Variants in MOSMO observed in about 807,000 individuals in gnomAD.
MOSMO encodes the protein modulator of smoothened protein.
MOSMO carries 5 observed loss-of-function variants against 18.4 expected under a neutral mutation model. That is an observed-to-expected ratio of 0.27 (90% CI 0.14 to 0.57). The LOEUF (loss-of-function observed/expected upper bound fraction) is 0.57, where lower values mean the gene tolerates loss of function less well. MOSMO is among the 20% of genes least tolerant of loss of function. The pLI is 0.92. For missense variants in MOSMO, 138 were observed against 211.8 expected, an observed-to-expected ratio of 0.65 and a Z score of 2.16; for synonymous variants, 82 against 82.3, an observed-to-expected ratio of 1.00 and a Z score of 0.02.
In MOSMO at chr16:22,008,372, C is replaced by T; in HGVS notation, c.71C>T (p.Ala24Val). Reference sequence around the variant, plus strand: ...GATATCTTCGCCATCGCCAGCATCGCCAACCCGGACTGGATCAACACCGGG... The same window carrying T: ...GATATCTTCGCCATCGCCAGCATCGTCAACCCGGACTGGATCAACACCGGG... ...AADIFAIASI[A>V]NPDWINTGES... Residue 24 changes from alanine (A) to valine (V), a missense_variant, in exon 1 of 3, where the codon GCC becomes GTC. By Grantham distance (64) the Ala-to-Val change is moderately conservative. Transcript: ENST00000542527. The T allele has an allele frequency of 1.3e-6, 2 of 1,533,950 alleles. No individual in the cohort carries two copies. Among genetic ancestry groups the T allele is most frequent in the Non-Finnish European group, 8.7e-7 (1 of 1,145,968 alleles).
intron 1 of MOSMO, among the ~76,000 whole-genome samples, chr16:22,011,086 T>C (rs1463634317): frequency 6.6e-6 from 1 of 152,114 alleles, no homozygotes; most frequent in Non-Finnish European, 1.5e-5. Context: ...ATAGAAACTG[T>C]TCGAAATAAT....
chr16:22,079,826 C>G (rs1901041911), intron 2 of MOSMO, among the ~76,000 whole-genome samples: 1 of 152,066 alleles, frequency 6.6e-6, no homozygotes, highest in Non-Finnish European at 1.5e-5. Context: ...GTCTGTTGCC[C>G]AGGCTGGAGT....
intron 2 of MOSMO, among the ~76,000 whole-genome samples, chr16:22,077,791 G>A (rs936906920): frequency 1.4e-4 from 21 of 152,024 alleles, no homozygotes; most frequent in African/African-American, 4.3e-4. Flanking sequence ...CCTCCCTGGT[G>A]CATGAGGACC....
At position 22,044,851 on chromosome 16, in the gene MOSMO, T is replaced by C. The variant is rs1900276582; in HGVS notation, c.107-30636T>C. ...AGAGTAACTCTTCAGTTTAGCAAATTATTCTGCATTATATGATGAGCTTAC... is the reference window on the plus strand; with the variant it reads ...AGAGTAACTCTTCAGTTTAGCAAATCATTCTGCATTATATGATGAGCTTAC... On this transcript the variant is annotated intron_variant, in intron 1 of 2. Coordinates refer to ENST00000542527, the MANE Select transcript of MOSMO (RefSeq NM_001164579.2). Among the ~76,000 whole-genome samples, 4 of 152,120 alleles carry C rather than the reference T, an allele frequency of 2.6e-5. No homozygotes were observed. The South Asian group carries it at 8.3e-4, about 32-fold the overall frequency.
chr16:22,056,432 C>T (rs1335880271), intron 1 of MOSMO, among the ~76,000 whole-genome samples: 2 of 134,264 alleles, frequency 1.5e-5, no homozygotes, highest in Non-Finnish European at 3.0e-5. Flanking sequence ...AGTGCAATGG[C>T]GCGATCTCAG....
intron 1 of MOSMO, among the ~76,000 whole-genome samples, chr16:22,038,120 A>G (rs193119332): frequency 2.6e-5 from 4 of 152,356 alleles, no homozygotes; most frequent in African/African-American, 9.6e-5. Flanking sequence ...ATCACTCTGG[A>G]AATCCCAGGG....
rs1469142654 is a variant in MOSMO, at chr16:22,084,039, TTTGATATCCCCAC to T, written c.*3165_*3177del. On this transcript the variant is annotated 3_prime_UTR_variant, in exon 3 of 3. Transcript: ENST00000542527. Reference sequence around the variant, plus strand: ...TGGTTTTTACCCTTTTGCCTAAAGCTTTGATATCCCCACTTGATGTTCTGTGAATTCACTGTTT... The same window carrying T: ...TGGTTTTTACCCTTTTGCCTAAAGCTTTGATGTTCTGTGAATTCACTGTTT... 4.6e-6 allele frequency: 1 copy of T among 218,460 alleles called. No homozygotes were observed. The highest frequency in any genetic ancestry group is 9.1e-6 in the Non-Finnish European group (1 of 109,774). 13.5% of individuals were successfully genotyped at this position (218,460 alleles called of 1,614,324 possible).
chr16:22,077,175 G>T (rs1900986035), intron 2 of MOSMO, among the ~76,000 whole-genome samples: 1 of 152,092 alleles, frequency 6.6e-6, no homozygotes, highest in Non-Finnish European at 1.5e-5. Context: ...TGAAATTTGG[G>T]AATGCATATG....
intron 1 of MOSMO, among the ~76,000 whole-genome samples, chr16:22,035,237 C>T (rs964025211): frequency 1.3e-5 from 2 of 152,080 alleles, no homozygotes; most frequent in African/African-American, 4.8e-5. Context: ...CCTTGCCCCA[C>T]TTAGGTGAGA....
chr16:22,046,474 C>T (rs1172139563), intron 1 of MOSMO, among the ~76,000 whole-genome samples: 2 of 152,102 alleles, frequency 1.3e-5, no homozygotes, highest in African/African-American at 2.4e-5. Context: ...GATTCAATTA[C>T]ATTAATATTA....
intron 1 of MOSMO, among the ~76,000 whole-genome samples, chr16:22,064,770 T>G (rs907246583): frequency 2.6e-5 from 4 of 152,190 alleles, no homozygotes; most frequent in Admixed American, 1.3e-4. Context: ...TGTATGGATT[T>G]ATCTACACTT....
At chr16:22,050,619 G>A (rs1279418393) in intron 1 of MOSMO, among the ~76,000 whole-genome samples, 2 of 152,162 alleles carry the variant, frequency 1.3e-5, no homozygotes, top group Non-Finnish European at 2.9e-5. Context: ...GCCAGGTGTG[G>A]TGGCTTATGT....
intron 1 of MOSMO, among the ~76,000 whole-genome samples, chr16:22,038,442 G>T (rs1402147233): frequency 6.6e-6 from 1 of 152,172 alleles, no homozygotes; most frequent in Non-Finnish European, 1.5e-5. Flanking sequence ...ATAGATCAAG[G>T]ACCCTAATAG....
chr16:22,008,745 TAA>T (rs71151659), intron 1 of MOSMO, among the ~76,000 whole-genome samples: 36,297 of 132,078 alleles, frequency 0.27, 5,764 homozygotes, highest in South Asian at 0.6. Flanking sequence ...CGTTCTGGAT[TAA>T]AAAAAAAAAA....
chr16:22,071,800 G>A (rs1200681722), intron 1 of MOSMO, among the ~76,000 whole-genome samples: 1 of 152,112 alleles, frequency 6.6e-6, no homozygotes, highest in African/African-American at 2.4e-5. Flanking sequence ...GGAATTACAG[G>A]CCCCTTCAAG....
chr16:22,048,927 GCC>G (rs1900369130), intron 1 of MOSMO, among the ~76,000 whole-genome samples: 1 of 151,898 alleles, frequency 6.6e-6, no homozygotes, highest in Admixed American at 6.6e-5. Flanking sequence ...ATAACCGGTT[GCC>G]CCCGTGTTCT....
chr16:22,031,401 C>T (rs1318026299), intron 1 of MOSMO, among the ~76,000 whole-genome samples: 2 of 152,096 alleles, frequency 1.3e-5, no homozygotes, highest in Non-Finnish European at 2.9e-5. Flanking sequence ...ACAGTTTACC[C>T]CTTTAAAGTG....
downstream of MOSMO, among the ~76,000 whole-genome samples, chr16:22,090,990 G>C (rs1901302715): frequency 6.6e-6 from 1 of 152,002 alleles, no homozygotes; most frequent in Non-Finnish European, 1.5e-5. Flanking sequence ...AGGAAGCAAA[G>C]AAAGGTGTGA....
chr16:22,072,613 G>A (rs1011294185), intron 1 of MOSMO, among the ~76,000 whole-genome samples: 2 of 152,004 alleles, frequency 1.3e-5, no homozygotes, highest in East Asian at 1.9e-4. Flanking sequence ...AGATCGAGAC[G>A]ATCTTGGCTA....
Sources: gnomAD v4.1 joint callset for allele counts (sites outside exome capture counted in the v4.1 genomes callset) on GRCh38, gnomAD v4.1.1 for gene constraint, MANE v1.5 for transcripts, NCBI Gene and HGNC (gene_info 2026-07-23, HGNC 2026-07-21) for gene names.